NELL2: variants seen among roughly 807,000 people sequenced by gnomAD.
The protein encoded by NELL2 is neural EGFL like 2, also known as protein kinase C-binding protein NELL2.
Under a neutral mutation model 109.6 loss-of-function variants are expected in NELL2, and 41 were observed. The ratio of observed to expected loss-of-function variants is 0.37; its 90% CI spans 0.29 to 0.49. NELL2 has a LOEUF of 0.49. Among genes scored for constraint, NELL2 ranks in the 20% least tolerant of loss-of-function variants. NELL2 has a pLI of 0.98. For missense variants in NELL2, 900 were observed against 1,008.3 expected (o/e 0.89, Z 1.45); for synonymous variants, 355 against 344.7 (o/e 1.03, Z -0.33).
intron 11 of NELL2, among the ~76,000 whole-genome samples, chr12:44,704,204 G>A (rs112580751): frequency 1.3e-5 from 2 of 152,206 alleles, no homozygotes; most frequent in East Asian, 3.9e-4. Flanking sequence ...ATAACACAAT[G>A]AGAAGGTAAT....
intron 9 of NELL2, among the ~76,000 whole-genome samples, chr12:44,717,350 A>G (rs2136447390): frequency 6.6e-6 from 1 of 152,316 alleles, no homozygotes; most frequent in East Asian, 1.9e-4. Context: ...TTTAACAAAT[A>G]TGTACTGAGC....
chr12:44,610,375 A>G (rs1238751301), intron 14 of NELL2, among the ~76,000 whole-genome samples: 1 of 152,092 alleles, frequency 6.6e-6, no homozygotes, highest in East Asian at 1.9e-4. Context: ...GGGCTCGAAA[A>G]GAAACATCTG....
intron 15 of NELL2, among the ~76,000 whole-genome samples, chr12:44,564,522 C>T (rs1395981937): frequency 6.6e-6 from 1 of 152,176 alleles, no homozygotes; most frequent in African/African-American, 2.4e-5. Flanking sequence ...TTGCAGCATG[C>T]TAGGCACTAG....
At chr12:44,886,140 GAAGGAAGA>G (rs957949558) in intron 1 of NELL2, among the ~76,000 whole-genome samples, 14 of 133,408 alleles carry the variant, frequency 1.0e-4, no homozygotes, top group African/African-American at 2.6e-4. Flanking sequence ...AGGAAGGAAG[GAAGGAAGA>G]AAGGGAGAGA....
At chr12:44,818,458 A>G (rs1008769726) in intron 2 of NELL2, among the ~76,000 whole-genome samples, 5 of 152,322 alleles carry the variant, frequency 3.3e-5, no homozygotes, top group African/African-American at 9.6e-5. Context: ...ATTACAGTGA[A>G]TACACAAATG....
At chr12:44,871,190 T>A (rs934751595) in intron 2 of NELL2, among the ~76,000 whole-genome samples, 1 of 152,138 alleles carries the variant, frequency 6.6e-6, no homozygotes, top group African/African-American at 2.4e-5. Context: ...TAAATGACTA[T>A]TCTTCAAAGA....
chr12:44,553,880 T>TGCAC (rs1264566244), intron 15 of NELL2, among the ~76,000 whole-genome samples: 3 of 151,970 alleles, frequency 2.0e-5, no homozygotes, highest in Non-Finnish European at 2.9e-5. Context: ...CACACACACA[T>TGCAC]GCACACACAC....
intron 1 of NELL2, among the ~76,000 whole-genome samples, chr12:44,897,506 A>T (rs1197885090): frequency 6.6e-6 from 1 of 152,070 alleles, no homozygotes; most frequent in East Asian, 1.9e-4. Context: ...TCACCAAGGA[A>T]GCGCAAGGGG....
intron 3 of NELL2, among the ~76,000 whole-genome samples, chr12:44,807,106 A>G (rs929437919): frequency 6.6e-6 from 1 of 151,736 alleles, no homozygotes; most frequent in Non-Finnish European, 1.5e-5. Context: ...TCTACGAGGA[A>G]GATATTAAGT....
At chr12:44,895,626 T>A (rs903282239) in intron 1 of NELL2, among the ~76,000 whole-genome samples, 16 of 152,120 alleles carry the variant, frequency 1.1e-4, no homozygotes, top group Non-Finnish European at 2.4e-4. Flanking sequence ...GTTTCCATTA[T>A]AAAAAATTAC....
At chr12:44,582,703 G>C (rs1237867937) in intron 15 of NELL2, among the ~76,000 whole-genome samples, 1 of 152,026 alleles carries the variant, frequency 6.6e-6, no homozygotes, top group Non-Finnish European at 1.5e-5. Flanking sequence ...GAATGAAGGA[G>C]GTGAGAAGGT....
At chr12:44,673,127 C>T (rs1398915746) in intron 12 of NELL2, among the ~76,000 whole-genome samples, 1 of 152,062 alleles carries the variant, frequency 6.6e-6, no homozygotes, top group African/African-American at 2.4e-5. Context: ...TTGCCGCTTG[C>T]CTTTTTTGAT....
intron 10 of NELL2, among the ~76,000 whole-genome samples, chr12:44,712,420 T>C (rs552130761): frequency 1.3e-5 from 2 of 152,122 alleles, no homozygotes; most frequent in South Asian, 2.1e-4. Flanking sequence ...AGTAGTAATA[T>C]CAGTTCTGGT....
intron 12 of NELL2, among the ~76,000 whole-genome samples, chr12:44,691,419 T>TG (rs1948896337): frequency 6.6e-6 from 1 of 152,202 alleles, no homozygotes; most frequent in South Asian, 2.1e-4. Context: ...TGTGTTCTGA[T>TG]GGCTCTACTG....
intron 19 of NELL2, among the ~76,000 whole-genome samples, chr12:44,517,377 CTCTCT>C (rs1941320584): frequency 9.6e-5 from 2 of 20,784 alleles, no homozygotes; most frequent in Non-Finnish European, 1.6e-4. Flanking sequence ...TACTTTCTCT[CTCTCT>C]CTCTCTCTCT....
chr12:44,583,826 G>T (rs941007587), intron 15 of NELL2, among the ~76,000 whole-genome samples: 1 of 152,202 alleles, frequency 6.6e-6, no homozygotes. Context: ...AGGCTGGAGT[G>T]CAGTGGCACA....
At chr12:44,655,133 C>G (rs73285888) in intron 13 of NELL2, among the ~76,000 whole-genome samples, 1 of 152,106 alleles carries the variant, frequency 6.6e-6, no homozygotes, top group African/African-American at 2.4e-5. Flanking sequence ...AATACATCCA[C>G]CTGGGACAAA....
chr12:44,566,667 G>A (rs981840248), intron 15 of NELL2, among the ~76,000 whole-genome samples: 8 of 152,114 alleles, frequency 5.3e-5, no homozygotes, highest in Admixed American at 1.3e-4. Context: ...TTCAAATCTC[G>A]GCAATGGCCA....
intron 7 of NELL2, 149 bp from the exon 8 acceptor site, chr12:44,776,299 T>C: frequency 1.5e-6 from 1 of 669,314 alleles, no homozygotes; most frequent in Middle Eastern, 3.0e-4. Context: ...TTTAAGACTT[T>C]AATTTAATTT....
Sources: allele counts gnomAD v4.1 joint callset (sites outside exome capture counted in the v4.1 genomes callset), GRCh38; gene constraint gnomAD v4.1.1; transcripts MANE v1.5; gene names NCBI Gene and HGNC (gene_info 2026-07-23, HGNC 2026-07-21).